The following CFAP65 variants were observed in gnomAD, a reference collection of about 807,000 sequenced individuals.
The protein encoded by CFAP65 is cilia- and flagella-associated protein 65.
In CFAP65, 155 loss-of-function variants were observed where a neutral mutation model predicts 208.0. That is an observed-to-expected ratio of 0.75 (90% CI 0.65 to 0.85). The LOEUF (loss-of-function observed/expected upper bound fraction) is 0.85, where lower values mean the gene tolerates loss of function less well. Ranked by LOEUF, CFAP65 falls within the 40% of genes least tolerant of loss-of-function variation. The probability of loss-of-function intolerance (pLI) is 0.00; values close to 1 mark genes in which losing one functional copy is unlikely to be tolerated. For synonymous variants in CFAP65, 970 were observed against 986.3 expected (o/e 0.98, Z 0.31); for missense variants, 2,294 against 2,451.3 (o/e 0.94, Z 1.36).
chr2:219,023,809 A>G (rs1184513274), intron 15 of CFAP65, among the ~76,000 whole-genome samples: 2 of 152,192 alleles, frequency 1.3e-5, no homozygotes, highest in African/African-American at 4.8e-5. Flanking sequence ...CTCAGACCCC[A>G]TAAGGGGGAC....
rs143689711 is a variant in CFAP65, at chr2:219,029,980, C to T, written c.1384+6G>A. ...CCCCAGGGGAGGCCCCTGGGGTCACCGGTACCTCTACAGAAACCAACGACT... is the reference window on the plus strand; with the variant it reads ...CCCCAGGGGAGGCCCCTGGGGTCACTGGTACCTCTACAGAAACCAACGACT... On this transcript the variant is annotated splice_donor_region_variant and intron_variant, in intron 10 of 34. Coordinates refer to ENST00000341552, the MANE Select transcript of CFAP65 (RefSeq NM_194302.4). The T allele has an allele frequency of 9.7e-5, 157 of 1,613,266 alleles. No individual in the cohort carries two copies. The East Asian group carries it at 3.4e-3, about 35-fold the overall frequency.
intron 28 of CFAP65, 92 bp from the exon 29 acceptor site, chr2:219,009,246 T>G (rs1023950442): frequency 2.1e-6 from 3 of 1,457,794 alleles, no homozygotes; most frequent in African/African-American, 1.4e-5. Context: ...GGCTGACTTC[T>G]GCCTTTTGCT....
rs2106199221 is a variant in CFAP65, at chr2:219,026,033, C to T, written c.2338G>A (p.Asp780Asn). 2 of 1,614,094 alleles carry T rather than the reference C, an allele frequency of 1.2e-6. No individual in the cohort carries two copies. Among genetic ancestry groups the T allele is most frequent in the African/African-American group, 1.3e-5 (1 of 75,060 alleles). The change falls in exon 14 of 35, where the codon GAT (aspartate) becomes AAT (asparagine). Residue 780 changes from aspartate to asparagine, a missense_variant. Physicochemically the swap from Asp to Asn is conservative, Grantham distance 23. This residue lies in a region of CFAP65 where 1,427 missense variants were observed against 1,438.7 expected (regional missense o/e 0.99). Coordinates refer to ENST00000341552, the MANE Select transcript of CFAP65 (RefSeq NM_194302.4). ...GGGGCCACGCTTACCTTGGGGACATCTAGGGAATACTGGGGGATGTGGTGC... is the reference window on the plus strand; with the variant it reads ...GGGGCCACGCTTACCTTGGGGACATTTAGGGAATACTGGGGGATGTGGTGC... ...FEHHIPQYSL[D>N]VPKLFPAVSS...
In CFAP65 at chr2:219,024,152, C is replaced by T. The variant is rs752204587; in HGVS notation, c.2458G>A (p.Val820Ile). 3.8e-5 allele frequency: 61 copies of T among 1,614,022 alleles called. No homozygotes were observed. Among genetic ancestry groups the T allele is most frequent in the African/African-American group, 1.5e-4 (11 of 75,062 alleles). Residue 820 changes from valine (V) to isoleucine (I), a missense_variant, in exon 15 of 35, where the codon GTC (valine) becomes ATC (isoleucine). This residue lies in a region of CFAP65 where 1,427 missense variants were observed against 1,438.7 expected (regional missense o/e 0.99). Coordinates refer to ENST00000341552, the MANE Select transcript of CFAP65 (RefSeq NM_194302.4). ...AGGCCCGAAGTGGGCCGAAGGATGA[C>T]GTCTGAGCCTCTCTGGGGGGCCAGG... ...FSLAPQRGSD[V>I]ILRPTSGLVA...
At position 219,013,511 on chromosome 2, in the gene CFAP65, G is replaced by A; in HGVS notation, c.3846+8C>T. On this transcript the variant is annotated splice_region_variant and intron_variant, in intron 23 of 34. Transcript: ENST00000341552. Reference sequence around the variant, plus strand: ...AACTAGGGCAGGGCCAGTGTGCTGGGGCCTCACCAGGATCTCCCGGCCATG... The same window carrying A: ...AACTAGGGCAGGGCCAGTGTGCTGGAGCCTCACCAGGATCTCCCGGCCATG... The A allele has an allele frequency of 6.3e-7, 1 of 1,594,494 alleles. No homozygotes were observed. The highest frequency in any genetic ancestry group is 8.5e-7 in the Non-Finnish European group (1 of 1,172,088).
Position 219,013,368 on chromosome 2 carries a change from A to G in CFAP65, c.3848T>C (p.Leu1283Pro). The G allele has an allele frequency of 6.2e-7, 1 of 1,610,924 alleles. No individual in the cohort carries two copies. Residue 1283 changes from leucine (L) to proline (P), a missense_variant and splice_region_variant, in exon 24 of 35, where the codon CTA becomes CCA. Around this residue, in one of 2 missense-constraint regions of CFAP65, gnomAD observed 1,427 missense variants for 1,438.7 expected, o/e 0.99. Transcript: ENST00000341552. ...CTTCACTGTCACACCTATGAAATTTAGCTGGAAATAAAAGTTCCCCCGGAG... is the reference window on the plus strand; with the variant it reads ...CTTCACTGTCACACCTATGAAATTTGGCTGGAAATAAAAGTTCCCCCGGAG... ...FKVSHGREILLNFIGVTVKPE... is the reference protein window; with the variant it reads ...FKVSHGREILPNFIGVTVKPE...
chr2:219,035,941 C>T (rs1948330674), intron 4 of CFAP65, among the ~76,000 whole-genome samples: 1 of 152,176 alleles, frequency 6.6e-6, no homozygotes, highest in East Asian at 1.9e-4. Context: ...CTGGGCGGCT[C>T]CATCAGCCAC....
Position 219,006,445 on chromosome 2 carries a change from C to T in CFAP65, c.4719+20G>A, listed in dbSNP as rs1267964196. The T allele has an allele frequency of 1.2e-6, 2 of 1,613,568 alleles. No individual in the cohort carries two copies. The highest frequency in any genetic ancestry group is 4.5e-5 in the East Asian group (2 of 44,870). On this transcript the variant is annotated intron_variant, in intron 30 of 34. Coordinates refer to ENST00000341552, the MANE Select transcript of CFAP65 (RefSeq NM_194302.4). ...TCCCAAGTTGTCCCAAGAAGATGGG[C>T]CTGGGGCTCGCCGCCTCACCTTGTA...
intron 9 of CFAP65, 150 bp downstream of exon 9, chr2:219,030,539 A>G: frequency 9.2e-7 from 1 of 1,083,862 alleles, no homozygotes; most frequent in Non-Finnish European, 1.3e-6. Context: ...GCTGAGGAGA[A>G]GGACACACCT....
rs372741687 is a variant in CFAP65, at chr2:219,039,007, C to T, written c.42G>A (p.Gln14=). The change falls in exon 3 of 35, where the codon CAG becomes CAA. Residue 14 remains glutamine (Q), a synonymous_variant. Coordinates refer to ENST00000341552, the MANE Select transcript of CFAP65 (RefSeq NM_194302.4). ...ATGAGACTGATGGATTCTCCACCTT[C>T]TGGGTTTTCTCCACCAGTCTACAAC... ...LTGCRLVEKT[Q]KVENPSVSFA... is the part of the protein sequence containing the mutation. 1 of 1,613,364 alleles carries T rather than the reference C, an allele frequency of 6.2e-7. No individual in the cohort carries two copies. Among genetic ancestry groups the T allele is most frequent in the African/African-American group, 1.3e-5 (1 of 74,898 alleles).
chr2:219,023,519 G>T, intron 15 of CFAP65, 88 bp from the exon 16 acceptor site: 1 of 978,176 alleles, frequency 1.0e-6, no homozygotes, highest in Non-Finnish European at 1.5e-6. Flanking sequence ...TGGCTAGGCA[G>T]CTTTCCCCAC....
At position 219,027,568 on chromosome 2, in the gene CFAP65, C is replaced by T. The variant is rs12470152; in HGVS notation, c.2211+82G>A. The T allele has an allele frequency of 8.4e-3, 13,606 of 1,613,032 alleles. 868 individuals carry two copies. The African/African-American group carries it at 0.15, about 18-fold the overall frequency. On this transcript the variant is annotated intron_variant, in intron 13 of 34. Transcript: ENST00000341552. ...AGAGGATGGAGCCTGAAGCTGCCCT[C>T]GGTCACTTCCTGCCACCCCACCAAG...
At position 219,022,186 on chromosome 2, in the gene CFAP65, G is replaced by T; in HGVS notation, c.2964C>A (p.Leu988=). 1 of 1,599,106 alleles carries T rather than the reference G, an allele frequency of 6.3e-7. No individual in the cohort carries two copies. Among genetic ancestry groups the T allele is most frequent in the East Asian group, 2.2e-5 (1 of 44,506 alleles). Residue 988 remains leucine, a synonymous_variant, in exon 17 of 35, where the codon CTC becomes CTA. Coordinates refer to ENST00000341552, the MANE Select transcript of CFAP65 (RefSeq NM_194302.4). ...TCCCACTCACAGAGAGGCTGCTGGTGAGCCCAACGCCCACCAGCCGGAGCA... is the reference window on the plus strand; with the variant it reads ...TCCCACTCACAGAGAGGCTGCTGGTTAGCCCAACGCCCACCAGCCGGAGCA... ...HYMLRLVGVG[L]TSSLSAKEKE...
chr2:219,019,793 G>A (rs946993983), intron 19 of CFAP65, 74 bp from the exon 20 acceptor site: 115 of 1,297,354 alleles, frequency 8.9e-5, no homozygotes, highest in Non-Finnish European at 5.8e-5. Context: ...CAGGCCAAAG[G>A]TGCAGGAGTC....
rs542322168 is a variant in CFAP65, at chr2:219,021,709, C to A, written c.3130+71G>T. The A allele has an allele frequency of 4.0e-5, 61 of 1,541,606 alleles. No individual in the cohort carries two copies. The African/African-American group carries it at 7.5e-4, about 19-fold the overall frequency. On this transcript the variant is annotated intron_variant, in intron 18 of 34. Coordinates refer to ENST00000341552, the MANE Select transcript of CFAP65 (RefSeq NM_194302.4). Reference sequence around the variant, plus strand: ...TACAGGCGCGTGCCAGTGTGCCCAGCAGGTTAACCGGTCTTAACCAGTACC... The same window carrying A: ...TACAGGCGCGTGCCAGTGTGCCCAGAAGGTTAACCGGTCTTAACCAGTACC...
rs180901678 is a variant in CFAP65 at position 219,027,892 on chromosome 2, C to G, written c.1969G>C (p.Glu657Gln). ...CCTGGGCAGGCACCGAAGTCTACCT[C>G]GACAGGCTCTACACTGATGGGCGGG... Reference protein sequence around the residue: ...FPPPISVEPVEVDFGACPGPE... With the variant: ...FPPPISVEPVQVDFGACPGPE... The change falls in exon 13 of 35, where the codon GAG (glutamate) becomes CAG (glutamine). Residue 657 changes from glutamate (E) to glutamine (Q), a missense_variant. Glu to Gln is a conservative substitution (Grantham distance 29). Transcript: ENST00000341552. The G allele has an allele frequency of 6.4e-7, 1 of 1,554,884 alleles. No homozygotes were observed. The highest frequency in any genetic ancestry group is 1.2e-5 in the South Asian group (1 of 80,584).
chr2:219,038,400 C>T lies in CFAP65; in HGVS notation c.332G>A (p.Ser111Asn). 2 of 1,613,328 alleles carry T rather than the reference C, an allele frequency of 1.2e-6. No individual in the cohort carries two copies. Among genetic ancestry groups the T allele is most frequent in the Non-Finnish European group, 1.7e-6 (2 of 1,179,960 alleles). ...PAINDSSAAM[S>N]ACSTISAQPA... ...CTGGGCGCTGATGGTGCTGCAGGCA[C>T]TCATGGCTGCACTGCTGTCGTTGAT... The change falls in exon 4 of 35, where the codon AGT becomes AAT. Residue 111 changes from serine (S) to asparagine (N), a missense_variant. Physicochemically the swap from Ser to Asn is conservative, Grantham distance 46. Around this residue, in one of 2 missense-constraint regions of CFAP65, gnomAD observed 867 missense variants for 1,012.6 expected, o/e 0.86. Transcript: ENST00000341552.
intron 13 of CFAP65, chr2:219,027,134 G>C: frequency 8.9e-7 from 1 of 1,120,384 alleles, no homozygotes; most frequent in African/African-American, 1.6e-5. Flanking sequence ...CGGATGAGGA[G>C]GGGGCACCAC....
In CFAP65 at chr2:219,003,695, C is replaced by T. The variant is rs1293529377; in HGVS notation, c.5555+257G>A. Among the ~76,000 whole-genome samples the T allele has an allele frequency of 6.6e-6, 1 of 152,198 alleles. No homozygotes were observed. The highest frequency in any genetic ancestry group is 1.5e-5 in the Non-Finnish European group (1 of 68,032). On this transcript the variant is annotated intron_variant, in intron 33 of 34. Coordinates refer to ENST00000341552, the MANE Select transcript of CFAP65 (RefSeq NM_194302.4). This position sits in a 1 kb window ranked among gnomAD's most constrained non-coding sequence, Gnocchi z 4.4. ...TGGCTCTAGAAGCCCATTTACAAGA[C>T]TTTGCAGACTATAACAATTCTCCTG...
Sources: gnomAD v4.1 joint callset for allele counts (sites outside exome capture counted in the v4.1 genomes callset) on GRCh38, gnomAD v4.1.1 for gene constraint, gnomAD v4.1.1 regional missense constraint, Gnocchi (gnomAD v3.1) non-coding constraint, MANE v1.5 for transcripts, NCBI Gene and HGNC (gene_info 2026-07-23, HGNC 2026-07-21) for gene names.